KLHL18: variants seen among roughly 807,000 people sequenced by gnomAD.
KLHL18 encodes the protein kelch-like protein 18.
KLHL18 carries 38 observed loss-of-function variants against 58.5 expected under a neutral mutation model. The observed-to-expected ratio is 0.65, with a 90% CI of 0.50 to 0.85. The LOEUF (loss-of-function observed/expected upper bound fraction) is 0.85, where lower values mean the gene tolerates loss of function less well. KLHL18 is among the 40% of genes least tolerant of loss of function. KLHL18 has a pLI of 0.00. For missense variants in KLHL18, 624 were observed against 778.4 expected (o/e 0.80, Z 2.36); for synonymous variants, 303 against 301.9 (o/e 1.00, Z -0.04).
At chr3:47,285,558 GA>G (rs879294096) in intron 1 of KLHL18, among the ~76,000 whole-genome samples, 381 of 136,932 alleles carry the variant, frequency 2.8e-3, no homozygotes, top group Middle Eastern at 7.9e-3. Context: ...CTCTATTGGG[GA>G]AAAAAAAAAA....
At chr3:47,340,810 A>G (rs1295477238) in intron 8 of KLHL18, 134 bp downstream of exon 8, 2 of 809,534 alleles carry the variant, frequency 2.5e-6, no homozygotes, top group South Asian at 1.9e-5. Context: ...AGTACTTTGT[A>G]TATACTAGAT....
In KLHL18 at chr3:47,343,650, G is replaced by A; in HGVS notation, c.1434G>A (p.Lys478=). ...CRHGAASLGS[K]MFVCGGYDGS... is the part of the protein sequence containing the mutation. Reference sequence around the variant, plus strand: ...ACGGAGCCGCCTCCCTGGGGAGCAAGATGTTTGTCTGCGGGGGCTACGATG... The same window carrying A: ...ACGGAGCCGCCTCCCTGGGGAGCAAAATGTTTGTCTGCGGGGGCTACGATG... Residue 478 remains lysine, a synonymous_variant, in exon 10 of 10, where the codon AAG becomes AAA. Coordinates refer to ENST00000232766, the MANE Select transcript of KLHL18 (RefSeq NM_025010.5). 1 of 1,614,144 alleles carries A rather than the reference G, an allele frequency of 6.2e-7. No individual in the cohort carries two copies. The highest frequency in any genetic ancestry group is 2.2e-5 in the East Asian group (1 of 44,886).
chr3:47,291,869 A>C (rs1313708884), intron 1 of KLHL18, among the ~76,000 whole-genome samples: 1 of 152,222 alleles, frequency 6.6e-6, no homozygotes, highest in East Asian at 1.9e-4. Flanking sequence ...AGTAACATAG[A>C]AGTTACTGTT....
In KLHL18 at chr3:47,346,046, A is replaced by C. The variant is rs1704220122; in HGVS notation, c.*2105A>C. ...GTGGGTGGGGTGTGCATTTCCTGTTAGGAGTGTATCAGTGCTTGTCTTATT... is the reference window on the plus strand; with the variant it reads ...GTGGGTGGGGTGTGCATTTCCTGTTCGGAGTGTATCAGTGCTTGTCTTATT... On this transcript the variant is annotated 3_prime_UTR_variant, in exon 10 of 10. Coordinates refer to ENST00000232766, the MANE Select transcript of KLHL18 (RefSeq NM_025010.5). 1 of 152,246 alleles carries C rather than the reference A, an allele frequency of 6.6e-6. No homozygotes were observed. 9.4% of individuals were successfully genotyped at this position (152,246 alleles called of 1,614,324 possible).
At chr3:47,297,869 C>T (rs1410201526) in intron 1 of KLHL18, among the ~76,000 whole-genome samples, 1 of 152,132 alleles carries the variant, frequency 6.6e-6, no homozygotes, top group Non-Finnish European at 1.5e-5. Context: ...ATAATGTGTG[C>T]TGTAGTGGAC....
Position 47,331,476 on chromosome 3 carries a change from A to G in KLHL18, c.600+1327A>G, listed in dbSNP as rs548664040. 4.3e-5 allele frequency among the ~76,000 whole-genome samples: 5 copies of G among 116,036 alleles called. No homozygotes were observed. In the South Asian group the frequency reaches 1.2e-3, roughly 27 times the overall value. The allele number at this position is 116,036 out of a possible 152,430, so 76.1% of individuals were successfully genotyped here. A position where few individuals can be genotyped will look rare whatever the true frequency, so the allele number is the denominator to read the frequency against. ...GAGACAGAGTCTCACTCTGTCACCC[A>G]GGCTGGAGTGCGATGGCACAATCTC... On this transcript the variant is annotated intron_variant, in intron 4 of 9. Transcript: ENST00000232766.
At chr3:47,285,481 C>T (rs965007767) in intron 1 of KLHL18, among the ~76,000 whole-genome samples, 5 of 151,964 alleles carry the variant, frequency 3.3e-5, no homozygotes, top group Non-Finnish European at 7.4e-5. Flanking sequence ...CTTTGGAAGG[C>T]CAAGGCGAGT....
intron 1 of KLHL18, among the ~76,000 whole-genome samples, chr3:47,286,039 CAA>C (rs1202754892): frequency 4.7e-4 from 57 of 121,832 alleles, no homozygotes; most frequent in Middle Eastern, 4.2e-3. Context: ...GACCCTGTCT[CAA>C]AAAAAAAAAA....
chr3:47,336,438 G>A, intron 6 of KLHL18, 97 bp from the exon 7 acceptor site: 1 of 1,054,776 alleles, frequency 9.5e-7, no homozygotes, highest in Non-Finnish European at 1.4e-6. Context: ...AGAGCTAATA[G>A]AATTGAGTCG....
At chr3:47,309,472 G>C (rs1295642202) in intron 1 of KLHL18, among the ~76,000 whole-genome samples, 1 of 151,418 alleles carries the variant, frequency 6.6e-6, no homozygotes, top group African/African-American at 2.4e-5. Context: ...CAGGGCAGAG[G>C]CGCTCCCCAC....
rs1458618202 is a variant in KLHL18 at position 47,344,175 on chromosome 3, C to G, written c.*234C>G. On this transcript the variant is annotated 3_prime_UTR_variant, in exon 10 of 10. Transcript: ENST00000232766. Reference sequence around the variant, plus strand: ...ACACAAGCTCCTCTGGATCCTGCAGCTGGTGACATGGAACTGTTTTCTGGT... The same window carrying G: ...ACACAAGCTCCTCTGGATCCTGCAGGTGGTGACATGGAACTGTTTTCTGGT... 8.9e-6 allele frequency: 5 copies of G among 562,280 alleles called. No individual in the cohort carries two copies. Among genetic ancestry groups the G allele is most frequent in the Non-Finnish European group, 1.6e-5 (5 of 322,298 alleles). The allele number at this position is 562,280 out of a possible 1,614,324, so 34.8% of individuals were successfully genotyped here.
At chr3:47,308,794 A>G (rs1190005941) in intron 1 of KLHL18, among the ~76,000 whole-genome samples, 1 of 133,298 alleles carries the variant, frequency 7.5e-6, no homozygotes, top group African/African-American at 2.8e-5. Flanking sequence ...TTTTTAATTG[A>G]TCATTCTTGG....
intron 1 of KLHL18, among the ~76,000 whole-genome samples, chr3:47,304,365 G>A (rs1703091241): frequency 6.6e-6 from 1 of 152,004 alleles, no homozygotes; most frequent in Admixed American, 6.6e-5. Context: ...AGCTGGGTAT[G>A]GTGGTGCGCA....
rs747999742 is a variant in KLHL18, at chr3:47,343,704, G to T, written c.1488G>T (p.Met496Ile). The change falls in exon 10 of 10, where the codon ATG becomes ATT. Residue 496 changes from methionine (M) to isoleucine (I), a missense_variant. By Grantham distance (10) the Met-to-Ile change is conservative. Coordinates refer to ENST00000232766, the MANE Select transcript of KLHL18 (RefSeq NM_025010.5). ...CTGGCTTCCTCAGCATTGCCGAGAT[G>T]TACAGCTCTGTGGCAGACCAGTGGT... ...DGSGFLSIAE[M>I]YSSVADQWCL... is the part of the protein sequence containing the mutation. 1.2e-6 allele frequency: 2 copies of T among 1,614,190 alleles called. No individual in the cohort carries two copies. The highest frequency in any genetic ancestry group is 1.1e-5 in the South Asian group (1 of 91,090).
At chr3:47,313,230 T>A (rs1703346231) in intron 1 of KLHL18, among the ~76,000 whole-genome samples, 1 of 148,260 alleles carries the variant, frequency 6.7e-6, no homozygotes, top group African/African-American at 2.5e-5. Context: ...TTTTTTTTTT[T>A]TAATAGAGAA....
At chr3:47,283,512 G>A (rs1702542152) in intron 1 of KLHL18, 1 of 187,532 alleles carries the variant, frequency 5.3e-6, no homozygotes, top group African/African-American at 2.4e-5. Context: ...TGGCTGTGCT[G>A]TTCTAGAAGA....
At chr3:47,309,491 C>T (rs553189192) in intron 1 of KLHL18, among the ~76,000 whole-genome samples, 8 of 150,664 alleles carry the variant, frequency 5.3e-5, no homozygotes, top group African/African-American at 2.0e-4. Context: ...ACAGCTCAGA[C>T]GAGAGATGCT....
chr3:47,320,914 T>G (rs1703570270), intron 2 of KLHL18, among the ~76,000 whole-genome samples: 1 of 152,004 alleles, frequency 6.6e-6, no homozygotes, highest in African/African-American at 2.4e-5. Flanking sequence ...CCTTGACTCT[T>G]GAAAAAGAAA....
At chr3:47,341,380 G>A (rs1471872397) in intron 8 of KLHL18, among the ~76,000 whole-genome samples, 1 of 152,200 alleles carries the variant, frequency 6.6e-6, no homozygotes, top group African/African-American at 2.4e-5. Context: ...CAGACAGCAA[G>A]CTGGGTGTCT....
Sources: gnomAD v4.1 joint callset for allele counts (sites outside exome capture counted in the v4.1 genomes callset) on GRCh38, gnomAD v4.1.1 for gene constraint, MANE v1.5 for transcripts, NCBI Gene and HGNC (gene_info 2026-07-23, HGNC 2026-07-21) for gene names.